The following HK2 variants were observed in gnomAD, a reference collection of about 807,000 sequenced individuals.
The protein encoded by HK2 is hexokinase 2.
HK2 carries 42 observed loss-of-function variants against 92.9 expected under a neutral mutation model. That is an observed-to-expected ratio of 0.45 (90% CI 0.35 to 0.58). HK2 has a LOEUF of 0.58. Ranked by LOEUF, HK2 falls within the 20% of genes least tolerant of loss-of-function variation. The pLI is 0.00. For synonymous variants in HK2, 422 were observed against 468.0 expected (o/e 0.90, Z 1.27); for missense variants, 978 against 1,245.1 (o/e 0.79, Z 3.23).
At position 74,889,284 on chromosome 2, in the gene HK2, A is replaced by G; in HGVS notation, c.2415A>G (p.Gln805=). ...TGCTGCAAGTCCGAGCCATCCTGCA[A>G]CACTTAGGGCTTGAGAGCACCTGTG... ...LALLQVRAIL[Q]HLGLESTCDD... The change falls in exon 17 of 18, where the codon CAA becomes CAG. Residue 805 remains glutamine, a synonymous_variant. Transcript: ENST00000290573. 2 of 1,614,182 alleles carry G rather than the reference A, an allele frequency of 1.2e-6. No homozygotes were observed.
Position 74,881,706 on chromosome 2 carries a change from T to C in HK2, c.1571-5T>C. On this transcript the variant is annotated splice_polypyrimidine_tract_variant and splice_region_variant and intron_variant, in intron 10 of 17. Transcript: ENST00000290573. Reference sequence around the variant, plus strand: ...ACTTATCACTTCCCTGGGCTTATTTTCCAGAGAAAGGGGACTTCTTGGCCT... The same window carrying C: ...ACTTATCACTTCCCTGGGCTTATTTCCCAGAGAAAGGGGACTTCTTGGCCT... 6.2e-7 allele frequency: 1 copy of C among 1,614,020 alleles called. No homozygotes were observed. Among genetic ancestry groups the C allele is most frequent in the Non-Finnish European group, 8.5e-7 (1 of 1,179,972 alleles).
chr2:74,880,322 C>T lies in HK2; in HGVS notation c.1323C>T (p.Arg441=), dbSNP rs1244150013. ...VRRLVPGCDV[R]FLRSEDGSGK... ...GGCTGGTGCCCGGCTGCGATGTCCG[C>T]TTCCTCCGCTCCGAGGATGGCAGTG... Residue 441 remains arginine (R), a synonymous_variant, in exon 10 of 18, where the codon CGC becomes CGT. Transcript: ENST00000290573. The T allele has an allele frequency of 2.5e-6, 4 of 1,614,208 alleles. No homozygotes were observed. The highest frequency in any genetic ancestry group is 3.4e-6 in the Non-Finnish European group (4 of 1,180,042).
intron 1 of HK2, among the ~76,000 whole-genome samples, chr2:74,849,955 GAAAC>G (rs1553446268): frequency 6.6e-6 from 1 of 152,228 alleles, no homozygotes; most frequent in Non-Finnish European, 1.5e-5. Context: ...ATAGTATCCA[GAAAC>G]TTACATCTCT....
At chr2:74,844,979 G>A (rs1688403956) in intron 1 of HK2, among the ~76,000 whole-genome samples, 1 of 152,182 alleles carries the variant, frequency 6.6e-6, no homozygotes, top group South Asian at 2.1e-4. Context: ...CTGCTGCTAT[G>A]ACTGCAGAGA....
intron 3 of HK2, 54 bp downstream of exon 3, chr2:74,867,838 T>C (rs1177961742): frequency 1.2e-6 from 2 of 1,604,818 alleles, no homozygotes; most frequent in Non-Finnish European, 1.7e-6. Context: ...CCTTGGCATG[T>C]TCTTTCTGTA....
chr2:74,877,085 G>C, intron 7 of HK2, 81 bp from the exon 8 acceptor site: 1 of 1,567,018 alleles, frequency 6.4e-7, no homozygotes, highest in Non-Finnish European at 8.8e-7. Context: ...AGTTGCACGT[G>C]TGCGCATCTT....
chr2:74,851,705 C>G (rs1688573369), intron 1 of HK2, among the ~76,000 whole-genome samples: 1 of 152,144 alleles, frequency 6.6e-6, no homozygotes, highest in Non-Finnish European at 1.5e-5. Flanking sequence ...TTCTGGGCCT[C>G]TCTTCTCTTT....
chr2:74,843,658 G>A (rs1049484196), intron 1 of HK2, among the ~76,000 whole-genome samples: 8 of 152,124 alleles, frequency 5.3e-5, no homozygotes, highest in African/African-American at 1.9e-4. Context: ...TTCTGCCCTG[G>A]ATGCTTGGAG....
At chr2:74,846,427 G>A (rs1024331009) in intron 1 of HK2, among the ~76,000 whole-genome samples, 6 of 152,280 alleles carry the variant, frequency 3.9e-5, no homozygotes, top group African/African-American at 1.4e-4. Context: ...AACCAGCCCC[G>A]TGTTCTCCTA....
intron 9 of HK2, 71 bp downstream of exon 9, chr2:74,878,992 A>C: frequency 7.7e-7 from 1 of 1,303,390 alleles, no homozygotes; most frequent in Non-Finnish European, 1.1e-6. Context: ...TCCTCATGCC[A>C]GCTCCATTTT....
chr2:74,848,231 T>G (rs140426715), intron 1 of HK2, among the ~76,000 whole-genome samples: 4 of 152,332 alleles, frequency 2.6e-5, no homozygotes, highest in Admixed American at 2.0e-4. Context: ...GACATTCTTA[T>G]TAGACAAGAC....
At chr2:74,859,808 C>A (rs1275869547) in intron 2 of HK2, among the ~76,000 whole-genome samples, 5 of 152,174 alleles carry the variant, frequency 3.3e-5, no homozygotes, top group Non-Finnish European at 2.9e-5. Flanking sequence ...TTCCATCCAG[C>A]AATCTCACTA....
intron 10 of HK2, 70 bp downstream of exon 10, chr2:74,880,639 T>C: frequency 6.9e-7 from 1 of 1,456,836 alleles, no homozygotes; most frequent in Non-Finnish European, 9.5e-7. Context: ...CTGGGAGGGA[T>C]CCCTTAGCAT....
chr2:74,854,544 C>G, intron 2 of HK2, 89 bp downstream of exon 2: 1 of 1,410,596 alleles, frequency 7.1e-7, no homozygotes, highest in Non-Finnish European at 1.0e-6. Context: ...ACTCAAAAGC[C>G]TCAGAAACCA....
At chr2:74,877,049 C>A in intron 7 of HK2, 117 bp from the exon 8 acceptor site, 1 of 1,376,848 alleles carries the variant, frequency 7.3e-7, no homozygotes, top group Non-Finnish European at 1.0e-6. Flanking sequence ...CTGGGCCGTG[C>A]TGCACACATT....
intron 3 of HK2, chr2:74,867,995 G>C (rs1689001311): frequency 1.7e-6 from 1 of 577,498 alleles, no homozygotes; most frequent in South Asian, 1.7e-5. Flanking sequence ...ATTAAAAGGA[G>C]TGACTAGAGA....
intron 2 of HK2, among the ~76,000 whole-genome samples, chr2:74,859,578 G>C (rs1453905843): frequency 6.6e-6 from 1 of 152,044 alleles, no homozygotes; most frequent in Non-Finnish European, 1.5e-5. Context: ...AGGAAGAATG[G>C]TGTGAACCCG....
chr2:74,887,858 C>A lies in HK2; in HGVS notation c.2220-45C>A, dbSNP rs371966495. 22 of 1,602,870 alleles carry A rather than the reference C, an allele frequency of 1.4e-5. No homozygotes were observed. The Admixed American group carries it at 2.3e-4, about 17-fold the overall frequency. On this transcript the variant is annotated intron_variant, in intron 15 of 17. Coordinates refer to ENST00000290573, the MANE Select transcript of HK2 (RefSeq NM_000189.5). ...TGGCCTGTCCTGTCTCAACACATCC[C>A]TCCACCTTCCTACTTAACCTCCATG...
chr2:74,878,910 G>A lies in HK2; in HGVS notation c.1254G>A (p.Lys418=). The part of the protein sequence containing the change: ...STIGVDGSVY[K]KHPHFAKRLH... ...TTGGGGTCGACGGTTCCGTCTACAA[G>A]AAACACCCCCAGTGAGTCAGTGTGC... The change falls in exon 9 of 18, where the codon AAG becomes AAA. Residue 418 remains lysine, a synonymous_variant. Coordinates refer to ENST00000290573, the MANE Select transcript of HK2 (RefSeq NM_000189.5). 1 of 1,551,294 alleles carries A rather than the reference G, an allele frequency of 6.4e-7. No individual in the cohort carries two copies. The highest frequency in any genetic ancestry group is 8.7e-7 in the Non-Finnish European group (1 of 1,146,900).
Sources: gnomAD v4.1 joint callset for allele counts (sites outside exome capture counted in the v4.1 genomes callset) on GRCh38, gnomAD v4.1.1 for gene constraint, MANE v1.5 for transcripts, NCBI Gene and HGNC (gene_info 2026-07-23, HGNC 2026-07-21) for gene names.